The following CNTNAP5 variants were observed in gnomAD, a reference collection of about 807,000 sequenced individuals.
CNTNAP5 encodes contactin-associated protein-like 5.
A neutral mutation model predicts 150.2 loss-of-function variants in CNTNAP5; 72 were observed. The observed-to-expected ratio is 0.48, with a 90% confidence interval of 0.40 to 0.58. The LOEUF (loss-of-function observed/expected upper bound fraction) is 0.58. CNTNAP5 is among the 20% of genes least tolerant of loss of function. CNTNAP5 has a pLI of 0.00. For synonymous variants in CNTNAP5, 672 were observed against 619.8 expected (o/e 1.08, Z -1.25); for missense variants, 1,636 against 1,626.2 (o/e 1.01, Z -0.10).
chr2:124,150,952 T>A (rs1241784666), intron 1 of CNTNAP5, among the ~76,000 whole-genome samples: 1 of 152,192 alleles, frequency 6.6e-6, no homozygotes, highest in Non-Finnish European at 1.5e-5. Context: ...AGTCATTTTT[T>A]AAAATGCCTA....
chr2:124,047,630 C>T (rs1198958402), intron 1 of CNTNAP5, among the ~76,000 whole-genome samples: 2 of 152,214 alleles, frequency 1.3e-5, no homozygotes, highest in Non-Finnish European at 2.9e-5. Flanking sequence ...GGAAGCACTC[C>T]ACGCCTCCTG....
intron 16 of CNTNAP5, among the ~76,000 whole-genome samples, chr2:124,770,901 A>T (rs1024810041): frequency 1.3e-5 from 2 of 152,178 alleles, no homozygotes; most frequent in Non-Finnish European, 1.5e-5. Flanking sequence ...TTTTATTCCC[A>T]TTTTACAGAC....
chr2:124,480,042 T>G (rs1479968268), intron 7 of CNTNAP5, among the ~76,000 whole-genome samples: 1 of 152,220 alleles, frequency 6.6e-6, no homozygotes, highest in African/African-American at 2.4e-5. Flanking sequence ...AAGCCAATAT[T>G]TATTTGCCAT....
chr2:124,237,581 C>A (rs1192133561), intron 2 of CNTNAP5, among the ~76,000 whole-genome samples: 6 of 152,116 alleles, frequency 3.9e-5, no homozygotes, highest in African/African-American at 7.2e-5. Context: ...CACCTGTAAT[C>A]CCAGCACTCA....
intron 3 of CNTNAP5, among the ~76,000 whole-genome samples, chr2:124,246,949 C>A (rs1687045075): frequency 6.6e-6 from 1 of 152,150 alleles, no homozygotes; most frequent in African/African-American, 2.4e-5. Context: ...TTGGCCTGTG[C>A]ACTCTGATGG....
intron 3 of CNTNAP5, among the ~76,000 whole-genome samples, chr2:124,266,498 A>G (rs1476505777): frequency 1.3e-5 from 2 of 152,106 alleles, no homozygotes; most frequent in African/African-American, 2.4e-5. Context: ...ATTTATGAAT[A>G]GGTCTTTGAT....
intron 18 of CNTNAP5, among the ~76,000 whole-genome samples, chr2:124,796,741 GA>G (rs984452353): frequency 1.3e-5 from 2 of 152,210 alleles, no homozygotes; most frequent in Admixed American, 1.3e-4. Flanking sequence ...CTTTCATGGG[GA>G]ATTTGGAACA....
intron 1 of CNTNAP5, among the ~76,000 whole-genome samples, chr2:124,179,166 T>TTTATTTTA (rs1222218994): frequency 2.6e-5 from 4 of 151,934 alleles, no homozygotes; most frequent in Non-Finnish European, 5.9e-5. Flanking sequence ...TATTATTTTT[T>TTTATTTTA]TTAATTTTGA....
intron 5 of CNTNAP5, among the ~76,000 whole-genome samples, chr2:124,437,451 G>A (rs1692561119): frequency 6.6e-6 from 1 of 152,110 alleles, no homozygotes; most frequent in South Asian, 2.1e-4. Context: ...CATTTATACA[G>A]ATAGTGATTA....
At chr2:124,655,935 GAGAGAGAGAGAGAAAGAA>G (rs1678435633) in intron 13 of CNTNAP5, among the ~76,000 whole-genome samples, 1 of 91,664 alleles carries the variant, frequency 1.1e-5, no homozygotes, top group African/African-American at 4.5e-5. Context: ...GAGAGAGAGA[GAGAGAGAGAGAGAAAGAA>G]AGAAAGAAAG....
At chr2:124,801,954 G>T (rs1681977107) in intron 19 of CNTNAP5, among the ~76,000 whole-genome samples, 1 of 152,150 alleles carries the variant, frequency 6.6e-6, no homozygotes, top group Admixed American at 6.5e-5. Context: ...TTTATGATAA[G>T]ATTGATTCAA....
chr2:124,047,029 CT>C (rs1478047333), intron 1 of CNTNAP5, among the ~76,000 whole-genome samples: 1 of 152,142 alleles, frequency 6.6e-6, no homozygotes, highest in Non-Finnish European at 1.5e-5. Context: ...AATGATCCAT[CT>C]TAAGTATCAA....
At chr2:124,297,085 G>T (rs1688452349) in intron 3 of CNTNAP5, among the ~76,000 whole-genome samples, 1 of 152,182 alleles carries the variant, frequency 6.6e-6, no homozygotes, top group African/African-American at 2.4e-5. Flanking sequence ...ATGGAAATTA[G>T]GGGATATGCC....
At chr2:124,337,550 A>G (rs909780099) in intron 3 of CNTNAP5, among the ~76,000 whole-genome samples, 1 of 152,100 alleles carries the variant, frequency 6.6e-6, no homozygotes, top group African/African-American at 2.4e-5. Context: ...TAATTTTTGT[A>G]TAAGGTGTAA....
rs1694346467 is a variant in CNTNAP5, at chr2:124,504,295, A to T, written c.1066A>T (p.Asn356Tyr). Residue 356 changes from asparagine to tyrosine, a missense_variant, in exon 8 of 24, where the codon AAT becomes TAT. Transcript: ENST00000682447. ...TTTGACTTTTATTGTTTTCCAGGGC[A>T]ATGTCACTTTTTCCTGCTCCGAACC... ...RRKHQIYTVG[N>Y]VTFSCSEPQI... 6.2e-7 allele frequency: 1 copy of T among 1,610,768 alleles called. No homozygotes were observed. Among genetic ancestry groups the T allele is most frequent in the East Asian group, 2.2e-5 (1 of 44,752 alleles).
intron 3 of CNTNAP5, among the ~76,000 whole-genome samples, chr2:124,269,876 C>G (rs1249887367): frequency 6.6e-6 from 1 of 152,158 alleles, no homozygotes; most frequent in Non-Finnish European, 1.5e-5. Context: ...AAATTTGAGT[C>G]AACTGGAAAG....
At chr2:124,059,534 A>C (rs1335892798) in intron 1 of CNTNAP5, among the ~76,000 whole-genome samples, 1 of 152,162 alleles carries the variant, frequency 6.6e-6, no homozygotes. Context: ...CCTGACCCTC[A>C]GATTTTCCTG....
chr2:124,175,664 T>G (rs575761668), intron 1 of CNTNAP5, among the ~76,000 whole-genome samples: 1 of 152,320 alleles, frequency 6.6e-6, no homozygotes, highest in African/African-American at 2.4e-5. Context: ...CCCCCACTTA[T>G]AAGTGAGAAT....
At chr2:124,460,648 G>C (rs988377645) in intron 6 of CNTNAP5, among the ~76,000 whole-genome samples, 1 of 152,080 alleles carries the variant, frequency 6.6e-6, no homozygotes, top group Non-Finnish European at 1.5e-5. Context: ...TTTTATTTCT[G>C]TGAATTATAA....
Sources: allele counts gnomAD v4.1 joint callset (sites outside exome capture counted in the v4.1 genomes callset), GRCh38; gene constraint gnomAD v4.1.1; transcripts MANE v1.5; gene names NCBI Gene and HGNC (gene_info 2026-07-23, HGNC 2026-07-21).